WWOX: variants seen among roughly 807,000 people sequenced by gnomAD.
The protein encoded by WWOX is WW domain containing oxidoreductase, also known as WW domain-containing oxidoreductase.
WWOX carries 69 observed loss-of-function variants against 46.2 expected under a neutral mutation model. The ratio of observed to expected loss-of-function variants is 1.49; its 90% confidence interval spans 1.23 to 1.82. The LOEUF is 1.82. Among genes scored for constraint, WWOX ranks in the 40% most tolerant of loss-of-function variants. WWOX has a pLI of 0.00. For synonymous variants in WWOX, 359 were observed against 202.6 expected, an observed-to-expected ratio of 1.77 and a Z score of -6.56; for missense variants, 919 against 542.6, an observed-to-expected ratio of 1.69 and a Z score of -6.89.
intron 8 of WWOX, among the ~76,000 whole-genome samples, chr16:78,670,024 T>A (rs1567477959): frequency 6.6e-6 from 1 of 152,172 alleles, no homozygotes; most frequent in Non-Finnish European, 1.5e-5. Flanking sequence ...TTTTTCTTTT[T>A]CCTCCAGAGG....
intron 8 of WWOX, among the ~76,000 whole-genome samples, chr16:78,988,300 C>T (rs565352711): frequency 2.7e-5 from 4 of 150,180 alleles, no homozygotes; most frequent in South Asian, 4.2e-4. Context: ...GCCAAGATCA[C>T]GCTATTGCAC....
chr16:78,120,439 G>A (rs1197145043), intron 4 of WWOX, among the ~76,000 whole-genome samples: 12 of 152,010 alleles, frequency 7.9e-5, no homozygotes, highest in Non-Finnish European at 1.6e-4. Context: ...GCGCAGTGGC[G>A]GGCGCCTGTA....
rs377293997 is a variant in WWOX, at chr16:78,696,642, C to T, written c.1056+263890C>T. Among the ~76,000 whole-genome samples, 1,014 of 151,114 alleles carry T rather than the reference C, an allele frequency of 6.7e-3. 12 individuals carry two copies. Among genetic ancestry groups the T allele is most frequent in the African/African-American group, 0.023 (962 of 41,180 alleles). The stretch of plus-strand genomic sequence containing the variant: ...CCAGCTGTAGGCTAATGTAAGTGTT[C>T]TTTTTTATATTTTCTTTAATTTTTT... On this transcript the variant is annotated intron_variant, in intron 8 of 8. Coordinates refer to ENST00000566780, the MANE Select transcript of WWOX (RefSeq NM_016373.4).
At chr16:78,848,750 A>G (rs2052363670) in intron 8 of WWOX, among the ~76,000 whole-genome samples, 1 of 152,060 alleles carries the variant, frequency 6.6e-6, no homozygotes, top group African/African-American at 2.4e-5. Flanking sequence ...ACCAGTTCTC[A>G]ATGCCATACA....
intron 8 of WWOX, among the ~76,000 whole-genome samples, chr16:78,598,839 T>A (rs747415403): frequency 1.3e-5 from 2 of 152,112 alleles, no homozygotes; most frequent in African/African-American, 2.4e-5. Flanking sequence ...GTCCCCTTCA[T>A]ACAAATAGAT....
At chr16:79,004,649 C>T (rs2047157736) in intron 8 of WWOX, 1 of 152,314 alleles carries the variant, frequency 6.6e-6, no homozygotes, top group Non-Finnish European at 1.5e-5. Flanking sequence ...TCCACGCCAA[C>T]TCCTGTTTAT....
At chr16:78,801,481 C>G (rs67397147) in intron 8 of WWOX, among the ~76,000 whole-genome samples, 33,853 of 152,156 alleles carry the variant, frequency 0.22, 3,924 homozygotes, top group South Asian at 0.27. Context: ...CGCACTCCAA[C>G]CTGGGTGACA....
At chr16:78,625,516 T>C (rs150763929) in intron 8 of WWOX, among the ~76,000 whole-genome samples, 1 of 152,152 alleles carries the variant, frequency 6.6e-6, no homozygotes, top group Non-Finnish European at 1.5e-5. Flanking sequence ...AAATCAAGAC[T>C]GTAGTACCAA....
rs1219158979 is a variant in WWOX at position 78,785,891 on chromosome 16, G to T, written c.1056+353139G>T. 2.0e-5 allele frequency among the ~76,000 whole-genome samples: 3 copies of T among 152,018 alleles called. No individual in the cohort carries two copies. In the East Asian group the frequency reaches 5.8e-4, roughly 29 times the overall value. On this transcript the variant is annotated intron_variant, in intron 8 of 8. Coordinates refer to ENST00000566780, the MANE Select transcript of WWOX (RefSeq NM_016373.4). ...TAGAGCGACACACTTTTGAATTTGA[G>T]TTAATATTTCTTTTTTATTTTATTT...
At chr16:78,513,901 C>CA (rs56784508) in intron 8 of WWOX, among the ~76,000 whole-genome samples, 1 of 134,460 alleles carries the variant, frequency 7.4e-6, no homozygotes, top group South Asian at 2.4e-4. Flanking sequence ...CACTCCCCCC[C>CA]CCCCCACTTG....
intron 8 of WWOX, among the ~76,000 whole-genome samples, chr16:78,829,310 A>G (rs2051749479): frequency 6.6e-6 from 1 of 152,220 alleles, no homozygotes. Context: ...GCAGAAGACA[A>G]GCATCCCAGG....
At chr16:78,770,842 C>T (rs1159978074) in intron 8 of WWOX, among the ~76,000 whole-genome samples, 1 of 152,244 alleles carries the variant, frequency 6.6e-6, no homozygotes, top group East Asian at 1.9e-4. Context: ...GTGCCTGGTA[C>T]TGAGACGTCA....
At chr16:78,603,772 A>G (rs1567429352) in intron 8 of WWOX, among the ~76,000 whole-genome samples, 1 of 152,194 alleles carries the variant, frequency 6.6e-6, no homozygotes, top group African/African-American at 2.4e-5. Context: ...TTTCTTATCT[A>G]GTTGGAACAA....
intron 5 of WWOX, among the ~76,000 whole-genome samples, chr16:78,366,868 G>T (rs4888794): frequency 2.0e-5 from 3 of 151,808 alleles, no homozygotes; most frequent in African/African-American, 4.8e-5. Flanking sequence ...CCTATCATAC[G>T]TGACTCAGTT....
At chr16:78,970,142 C>T (rs764606110) in intron 8 of WWOX, among the ~76,000 whole-genome samples, 1 of 152,276 alleles carries the variant, frequency 6.6e-6, no homozygotes, top group African/African-American at 2.4e-5. Flanking sequence ...AGTAGCACAT[C>T]GTGGAATGGG....
chr16:78,958,267 A>T (rs1344808693), intron 8 of WWOX, among the ~76,000 whole-genome samples: 1 of 152,184 alleles, frequency 6.6e-6, no homozygotes, highest in Non-Finnish European at 1.5e-5. Flanking sequence ...TTTTAATGTC[A>T]TCTTTAATTT....
chr16:78,834,529 C>G (rs546067706), intron 8 of WWOX, among the ~76,000 whole-genome samples: 32 of 152,202 alleles, frequency 2.1e-4, no homozygotes, highest in Middle Eastern at 3.4e-3. Context: ...GGTCTGTAAA[C>G]AAGGTCTGAA....
At chr16:79,196,645 C>G (rs1597465763) in intron 8 of WWOX, among the ~76,000 whole-genome samples, 1 of 152,162 alleles carries the variant, frequency 6.6e-6, no homozygotes, top group Admixed American at 6.5e-5. Flanking sequence ...CTTCTTCCCC[C>G]ACCCTCCAGT....
At chr16:78,498,831 G>A (rs1940086985) in intron 8 of WWOX, among the ~76,000 whole-genome samples, 1 of 151,508 alleles carries the variant, frequency 6.6e-6, no homozygotes, top group Non-Finnish European at 1.5e-5. Flanking sequence ...CTCCCAAAAT[G>A]CTAGGAATAC....
Sources: allele counts gnomAD v4.1 joint callset (sites outside exome capture counted in the v4.1 genomes callset), GRCh38; gene constraint gnomAD v4.1.1; transcripts MANE v1.5; gene names NCBI Gene and HGNC (gene_info 2026-07-23, HGNC 2026-07-21).